MCOLN2: variants seen among roughly 807,000 people sequenced by gnomAD.
MCOLN2 encodes mucolipin-2.
MCOLN2 carries 57 observed loss-of-function variants against 67.5 expected under a neutral mutation model. The ratio of observed to expected loss-of-function variants is 0.84; its 90% CI spans 0.68 to 1.05. MCOLN2 has a LOEUF of 1.05. MCOLN2 is among the 50% of genes least tolerant of loss of function. The pLI is 0.00. For missense variants in MCOLN2, 620 were observed against 678.8 expected (o/e 0.91, Z 0.96); for synonymous variants, 246 against 233.3 (o/e 1.05, Z -0.50).
chr1:84,997,021 C>A lies in MCOLN2; in HGVS notation c.-149G>T. On this transcript the variant is annotated 5_prime_UTR_variant, in exon 1 of 14. Coordinates refer to ENST00000370608, the MANE Select transcript of MCOLN2 (RefSeq NM_153259.4). ...CCCTTCTCTTACCCTTTCTGCCGGC[C>A]GCGTGGTGCGCGCAGACCCCGGCCC... 1 of 668,950 alleles carries A rather than the reference C, an allele frequency of 1.5e-6. No homozygotes were observed. The highest frequency in any genetic ancestry group is 1.9e-5 in the South Asian group (1 of 52,962). 41.4% of individuals were successfully genotyped at this position (668,950 alleles called of 1,614,324 possible).
At chr1:84,967,721 G>A (rs1187339202) in intron 1 of MCOLN2, among the ~76,000 whole-genome samples, 2 of 138,928 alleles carry the variant, frequency 1.4e-5, no homozygotes, top group African/African-American at 5.2e-5. Context: ...AGAAGGGAAG[G>A]AAGGAGGGAA....
At chr1:84,956,120 G>T (rs112684621) in intron 4 of MCOLN2, among the ~76,000 whole-genome samples, 6 of 151,240 alleles carry the variant, frequency 4.0e-5, no homozygotes, top group Admixed American at 3.9e-4. Flanking sequence ...CATACAGACC[G>T]TTTTTTCAGA....
chr1:84,957,364 T>G (rs1356862660), intron 3 of MCOLN2, among the ~76,000 whole-genome samples: 1 of 152,206 alleles, frequency 6.6e-6, no homozygotes, highest in East Asian at 1.9e-4. Flanking sequence ...TCTGCACTAA[T>G]AGGGCTTTAC....
chr1:84,937,287 G>T (rs1570952785), intron 11 of MCOLN2, among the ~76,000 whole-genome samples: 1 of 152,204 alleles, frequency 6.6e-6, no homozygotes, highest in African/African-American at 2.4e-5. Context: ...AAAACCGTCT[G>T]CAGAGACAAG....
chr1:84,947,931 C>G (rs969390863), intron 6 of MCOLN2, among the ~76,000 whole-genome samples: 1 of 152,236 alleles, frequency 6.6e-6, no homozygotes, highest in South Asian at 2.1e-4. Flanking sequence ...ATGCAGCACC[C>G]CTTCCTGCCC....
chr1:84,952,112 T>C (rs978089846), intron 6 of MCOLN2, 131 bp downstream of exon 6: 48 of 630,366 alleles, frequency 7.6e-5, no homozygotes, highest in Admixed American at 3.4e-4. Context: ...AGTATCATAT[T>C]GTATCACTAA....
chr1:84,973,691 T>C (rs1019547625), intron 1 of MCOLN2, among the ~76,000 whole-genome samples: 24 of 152,074 alleles, frequency 1.6e-4, no homozygotes, highest in Middle Eastern at 3.2e-3. Flanking sequence ...CCTTGCGAAA[T>C]AGGCAAAGGA....
At chr1:84,959,837 T>A (rs1356955727) in intron 2 of MCOLN2, among the ~76,000 whole-genome samples, 1 of 152,210 alleles carries the variant, frequency 6.6e-6, no homozygotes, top group Non-Finnish European at 1.5e-5. Context: ...TTGTTGTCAT[T>A]CCATGGTTCA....
intron 5 of MCOLN2, 25 bp from the exon 6 acceptor site, chr1:84,952,364 T>C: frequency 6.3e-7 from 1 of 1,589,640 alleles, no homozygotes; most frequent in Non-Finnish European, 8.6e-7. Flanking sequence ...TTGAAAGGTA[T>C]AAATTGTCAT....
intron 6 of MCOLN2, among the ~76,000 whole-genome samples, chr1:84,950,646 T>C (rs1648372927): frequency 6.6e-6 from 1 of 152,304 alleles, no homozygotes; most frequent in South Asian, 2.1e-4. Flanking sequence ...CAAGTACTTA[T>C]TAGGGTGAAC....
At chr1:84,932,215 G>A (rs1248340372) in intron 11 of MCOLN2, among the ~76,000 whole-genome samples, 1 of 151,902 alleles carries the variant, frequency 6.6e-6, no homozygotes, top group African/African-American at 2.4e-5. Context: ...AGCATTTGTA[G>A]GTTTTGTTTG....
chr1:84,971,497 C>CAT (rs1322325245), intron 1 of MCOLN2, among the ~76,000 whole-genome samples: 2 of 98,124 alleles, frequency 2.0e-5, no homozygotes, highest in South Asian at 3.4e-4. Context: ...ATTAAACAGA[C>CAT]ATACACACAC....
chr1:84,955,567 T>C (rs1173176462), intron 4 of MCOLN2, among the ~76,000 whole-genome samples: 2 of 152,176 alleles, frequency 1.3e-5, no homozygotes, highest in East Asian at 1.9e-4. Context: ...TAAGGACTTG[T>C]GGATTTTATT....
At chr1:84,981,936 T>A (rs1466039563) in intron 1 of MCOLN2, among the ~76,000 whole-genome samples, 1 of 148,306 alleles carries the variant, frequency 6.7e-6, no homozygotes, top group East Asian at 2.0e-4. Flanking sequence ...AAATATTACA[T>A]CTACAATGTA....
At chr1:84,937,140 T>C (rs1647473945) in intron 11 of MCOLN2, among the ~76,000 whole-genome samples, 1 of 152,220 alleles carries the variant, frequency 6.6e-6, no homozygotes, top group African/African-American at 2.4e-5. Context: ...CATCTACCAA[T>C]CAAATGTATC....
At chr1:84,942,661 T>C (rs1647859021) in intron 7 of MCOLN2, among the ~76,000 whole-genome samples, 1 of 152,166 alleles carries the variant, frequency 6.6e-6, no homozygotes, top group Non-Finnish European at 1.5e-5. Context: ...ACTTGTCTCC[T>C]CCAAAACTCA....
chr1:84,982,918 G>A (rs1650329627), intron 1 of MCOLN2, among the ~76,000 whole-genome samples: 2 of 151,898 alleles, frequency 1.3e-5, no homozygotes, highest in Non-Finnish European at 2.9e-5. Flanking sequence ...GGGTTTCACT[G>A]CGTTGGCCAG....
At chr1:84,996,596 C>T (rs1651170474) in intron 1 of MCOLN2, among the ~76,000 whole-genome samples, 200 bp downstream of exon 1, 1 of 151,862 alleles carries the variant, frequency 6.6e-6, no homozygotes, top group African/African-American at 2.4e-5. Context: ...CTGGGGTTAG[C>T]CACACTACAA....
intron 9 of MCOLN2, among the ~76,000 whole-genome samples, chr1:84,939,076 A>G (rs1001819895): frequency 1.3e-5 from 2 of 152,090 alleles, no homozygotes; most frequent in South Asian, 4.1e-4. Flanking sequence ...CAGAGAATGG[A>G]CGGGAGAATA....
Sources: allele counts gnomAD v4.1 joint callset (sites outside exome capture counted in the v4.1 genomes callset), GRCh38; gene constraint gnomAD v4.1.1; transcripts MANE v1.5; gene names NCBI Gene and HGNC (gene_info 2026-07-23, HGNC 2026-07-21).